The following ABCB10 variants were observed in gnomAD, a reference collection of about 807,000 sequenced individuals.
The protein encoded by ABCB10 is ATP binding cassette subfamily B member 10, also known as ATP-binding cassette sub-family B member 10, mitochondrial.
A neutral mutation model predicts 65.4 loss-of-function variants in ABCB10; 54 were observed. That is an observed-to-expected ratio of 0.83 (90% CI 0.66 to 1.04). The LOEUF is 1.04. ABCB10 is among the 50% of genes least tolerant of loss of function. The pLI, the probability that ABCB10 is intolerant of heterozygous loss-of-function variation, is 0.00. For missense variants in ABCB10, 846 were observed against 976.6 expected (o/e 0.87, Z 1.78); for synonymous variants, 418 against 406.5 (o/e 1.03, Z -0.34).
At chr1:229,532,604 G>A (rs1174888197) in intron 6 of ABCB10, among the ~76,000 whole-genome samples, 3 of 151,124 alleles carry the variant, frequency 2.0e-5, no homozygotes. Flanking sequence ...AAAAGGGCCA[G>A]GCAAAATGGT....
chr1:229,526,059 G>A lies in ABCB10; in HGVS notation c.1783C>T (p.Pro595Ser). The change falls in exon 10 of 13, where the codon CCT becomes TCT. Residue 595 changes from proline (P) to serine (S), a missense_variant. Pro to Ser is a moderately conservative substitution (Grantham distance 74, BLOSUM62 -1). Transcript: ENST00000344517. ...ATTTCCTCAGCGGTCACAGAGGAAG[G>A]GTCATCAGCACCATAAGCAATGTTC... is the stretch of plus-strand genomic sequence containing the variant. Reference protein sequence around the residue: ...AENIAYGADDPSSVTAEEIQR... With the variant: ...AENIAYGADDSSSVTAEEIQR... 1.2e-6 allele frequency: 2 copies of A among 1,614,138 alleles called. No individual in the cohort carries two copies. The highest frequency in any genetic ancestry group is 1.1e-5 in the South Asian group (1 of 91,088).
chr1:229,518,202 T>A lies in ABCB10; in HGVS notation c.2194A>T (p.Lys732Ter), dbSNP rs770106506. 6.2e-7 allele frequency: 1 copy of A among 1,613,926 alleles called. No homozygotes were observed. The highest frequency in any genetic ancestry group is 8.5e-7 in the Non-Finnish European group (1 of 1,179,784). Residue 732 changes from lysine to a stop codon, truncating the protein, a stop_gained, in exon 13 of 13, where the codon AAA (lysine) becomes TAA (stop). Transcript: ENST00000344517. LOFTEE classifies it high-confidence loss of function. ...PNGIYRKLMN[K>*]QSFISA The stretch of plus-strand genomic sequence containing the variant: ...CCTTATGCTGAAATAAAACTTTGTT[T>A]GTTCATTAGTTTTCTGTATATCCCA...
chr1:229,558,412 G>T lies in ABCB10; in HGVS notation c.241C>A (p.Arg81=), dbSNP rs1446155353. The T allele has an allele frequency of 2.2e-5, 26 of 1,202,068 alleles. No homozygotes were observed. Among genetic ancestry groups the T allele is most frequent in the Non-Finnish European group, 2.6e-5 (25 of 970,810 alleles). 74.5% of individuals were successfully genotyped at this position (1,202,068 alleles called of 1,614,324 possible). ...GCRGGGPGAS[R]GVLGLARLLG... ...AGCCGCGCGAGGCCCAGGACGCCCC[G>T]CGAGGCGCCCGGACCCCCGCCCCGG... Residue 81 remains arginine (R), a synonymous_variant, in exon 1 of 13, where the codon CGG becomes AGG. Coordinates refer to ENST00000344517, the MANE Select transcript of ABCB10 (RefSeq NM_012089.3).
intron 1 of ABCB10, among the ~76,000 whole-genome samples, chr1:229,553,255 C>T (rs1259338121): frequency 1.3e-5 from 2 of 152,074 alleles, no homozygotes; most frequent in Admixed American, 1.3e-4. Flanking sequence ...GGATTACAGG[C>T]ATGCGCCACT....
intron 1 of ABCB10, among the ~76,000 whole-genome samples, chr1:229,556,297 G>A (rs568945201): frequency 6.6e-6 from 1 of 152,092 alleles, no homozygotes; most frequent in South Asian, 2.1e-4. Flanking sequence ...GCTTGAACCC[G>A]GGAGGCGGAG....
chr1:229,558,180 C>T lies in ABCB10; in HGVS notation c.473G>A (p.Arg158Gln). Reference sequence around the variant, plus strand: ...AGGGTACGCCAGCCCCAGGAGCTTCCGGGCCTCCGGGAGTCCGGCCGCTGC... The same window carrying T: ...AGGGTACGCCAGCCCCAGGAGCTTCTGGGCCTCCGGGAGTCCGGCCGCTGC... ...RPAAAGLPEA[R>Q]KLLGLAYPER... Residue 158 changes from arginine to glutamine, a missense_variant, in exon 1 of 13, where the codon CGG becomes CAG. Physicochemically the swap from Arg to Gln is conservative, Grantham distance 43. This residue lies in a region of ABCB10 where 632 missense variants were observed against 803.2 expected (regional missense o/e 0.79). Coordinates refer to ENST00000344517, the MANE Select transcript of ABCB10 (RefSeq NM_012089.3). 1 of 1,432,138 alleles carries T rather than the reference C, an allele frequency of 7.0e-7. No homozygotes were observed. Among genetic ancestry groups the T allele is most frequent in the East Asian group, 3.1e-5 (1 of 32,698 alleles). 88.7% of individuals were successfully genotyped at this position (1,432,138 alleles called of 1,614,324 possible). A position where few individuals can be genotyped will look rare whatever the true frequency, so the allele number is the denominator to read the frequency against.
Position 229,549,504 on chromosome 1 carries a change from G to C in ABCB10, c.518-70C>G, listed in dbSNP as rs540192420. The C allele has an allele frequency of 7.0e-6, 10 of 1,429,976 alleles. No individual in the cohort carries two copies. The South Asian group carries it at 1.3e-4, about 18-fold the overall frequency. The allele number at this position is 1,429,976 out of a possible 1,614,324, so 88.6% of individuals were successfully genotyped here. On this transcript the variant is annotated intron_variant, in intron 1 of 12. Coordinates refer to ENST00000344517, the MANE Select transcript of ABCB10 (RefSeq NM_012089.3). ...GGGGCTGCGGTGCTGAGTCCAGGAG[G>C]CTTCCTTGCCAAATAAGCTGTTGTC...
rs764624554 is a variant in ABCB10, at chr1:229,528,691, A to AT, written c.1646-1384dup. Among the ~76,000 whole-genome samples, 1,030 of 147,084 alleles carry AT rather than the reference A, an allele frequency of 7.0e-3. 9 individuals are homozygous for AT. The highest frequency in any genetic ancestry group is 0.01 in the Non-Finnish European group (669 of 66,382). ...AAACATTCATTTTTTAAATTACAGA[A>AT]TTTTTTTTTTTTAATAAATAGTGAC... On this transcript the variant is annotated intron_variant, in intron 8 of 12. Coordinates refer to ENST00000344517, the MANE Select transcript of ABCB10 (RefSeq NM_012089.3).
intron 6 of ABCB10, among the ~76,000 whole-genome samples, chr1:229,539,018 A>G (rs577433085): frequency 6.6e-6 from 1 of 152,308 alleles, no homozygotes; most frequent in East Asian, 1.9e-4. Flanking sequence ...ATTGCTCATT[A>G]ATTTTGAATA....
Position 229,524,312 on chromosome 1 carries a change from C to T in ABCB10, c.1906+1624G>A, listed in dbSNP as rs1466077034. Among the ~76,000 whole-genome samples, 7 of 151,976 alleles carry T rather than the reference C, an allele frequency of 4.6e-5. No individual in the cohort carries two copies. In the East Asian group the frequency reaches 1.2e-3, roughly 25 times the overall value. On this transcript the variant is annotated intron_variant, in intron 10 of 12. Transcript: ENST00000344517. ...GAGTAGCTGGGACCATAAGTGCTCA[C>T]CACCACACCTGGCTATTGTTTTGTA...
At chr1:229,552,613 G>C (rs1035267587) in intron 1 of ABCB10, among the ~76,000 whole-genome samples, 2 of 152,328 alleles carry the variant, frequency 1.3e-5, no homozygotes, top group Non-Finnish European at 2.9e-5. Flanking sequence ...GGAGGAAGCT[G>C]TACACTGTGC....
chr1:229,518,054 TG>T lies in ABCB10; in HGVS notation c.*124del. On this transcript the variant is annotated 3_prime_UTR_variant, in exon 13 of 13. Coordinates refer to ENST00000344517, the MANE Select transcript of ABCB10 (RefSeq NM_012089.3). ...TTTCAAAACAATCTTTTACACACTT[TG>T]GAAAAAAATAGGTATTTTTCAAATA... 1 of 695,888 alleles carries T rather than the reference TG, an allele frequency of 1.4e-6. No individual in the cohort carries two copies. The highest frequency in any genetic ancestry group is 2.9e-5 in the Admixed American group (1 of 34,084). 43.1% of individuals were successfully genotyped at this position (695,888 alleles called of 1,614,324 possible). A position where few individuals can be genotyped will look rare whatever the true frequency, so the allele number is the denominator to read the frequency against.
intron 6 of ABCB10, among the ~76,000 whole-genome samples, chr1:229,539,228 G>A (rs1416397149): frequency 6.6e-6 from 1 of 152,218 alleles, no homozygotes; most frequent in African/African-American, 2.4e-5. Context: ...TGAGCTATAA[G>A]AGGCCTGCAA....
In ABCB10 at chr1:229,558,394, C is replaced by T; in HGVS notation, c.259G>A (p.Ala87Thr). 8.1e-7 allele frequency: 1 copy of T among 1,236,560 alleles called. No individual in the cohort carries two copies. The highest frequency in any genetic ancestry group is 1.0e-6 in the Non-Finnish European group (1 of 983,650). The allele number at this position is 1,236,560 out of a possible 1,614,324, so 76.6% of individuals were successfully genotyped here. A position where few individuals can be genotyped will look rare whatever the true frequency, so the allele number is the denominator to read the frequency against. Residue 87 changes from alanine (A) to threonine (T), a missense_variant, in exon 1 of 13, where the codon GCG (alanine) becomes ACG (threonine). Ala to Thr is a moderately conservative substitution (Grantham distance 58, BLOSUM62 0). This residue lies in a region of ABCB10 where 214 missense variants were observed against 173.5 expected (regional missense o/e 1.23). Transcript: ENST00000344517. ...PGASRGVLGLARLLGLWARGP... is the reference protein window; with the variant it reads ...PGASRGVLGLTRLLGLWARGP... The stretch of plus-strand genomic sequence containing the variant: ...CGAGCCCACAGCCCCAGGAGCCGCG[C>T]GAGGCCCAGGACGCCCCGCGAGGCG...
intron 6 of ABCB10, among the ~76,000 whole-genome samples, chr1:229,533,154 T>G (rs1301116293): frequency 6.6e-6 from 1 of 152,042 alleles, no homozygotes; most frequent in African/African-American, 2.4e-5. Context: ...ATTATTATTT[T>G]TTTTTGAGAC....
At chr1:229,547,219 T>C (rs1396573275) in intron 3 of ABCB10, among the ~76,000 whole-genome samples, 1 of 152,186 alleles carries the variant, frequency 6.6e-6, no homozygotes, top group Non-Finnish European at 1.5e-5. Context: ...CTGATGCTCT[T>C]TTCTGCCTTA....
In ABCB10 at chr1:229,539,923, A is replaced by G. The variant is rs1662804641; in HGVS notation, c.1204-332T>C. 2.0e-5 allele frequency among the ~76,000 whole-genome samples: 3 copies of G among 152,336 alleles called. No individual in the cohort carries two copies. In the South Asian group the frequency reaches 6.2e-4, roughly 32 times the overall value. ...ATAAATATCTACTGTATAGGTTTAT[A>G]TAATATAATCAGATGTTCTGGGCAA... On this transcript the variant is annotated intron_variant, in intron 5 of 12. Transcript: ENST00000344517.
intron 6 of ABCB10, among the ~76,000 whole-genome samples, chr1:229,533,553 T>A (rs1662635575): frequency 1.3e-5 from 2 of 152,248 alleles, no homozygotes; most frequent in Admixed American, 1.3e-4. Flanking sequence ...TATGAATATT[T>A]ATGCAAGATA....
At chr1:229,531,361 G>A (rs749760735) in intron 7 of ABCB10, among the ~76,000 whole-genome samples, 17 of 152,130 alleles carry the variant, frequency 1.1e-4, no homozygotes, top group South Asian at 2.1e-4. Flanking sequence ...TGCCCTTTGC[G>A]GTAACACCCA....
Sources: allele counts gnomAD v4.1 joint callset (sites outside exome capture counted in the v4.1 genomes callset), GRCh38; gene constraint gnomAD v4.1.1; regional missense constraint gnomAD v4.1.1; transcripts MANE v1.5; gene names NCBI Gene and HGNC (gene_info 2026-07-23, HGNC 2026-07-21).